Variants in SIGLEC5 observed in about 807,000 individuals in gnomAD.
The protein encoded by SIGLEC5 is sialic acid binding Ig like lectin 5.
A neutral mutation model predicts 45.9 loss-of-function variants in SIGLEC5; 34 were observed. That is an observed-to-expected ratio of 0.74 (90% confidence interval 0.56 to 0.99). SIGLEC5 has a LOEUF of 0.99. SIGLEC5 is among the 50% of genes least tolerant of loss of function. The pLI is 0.00. For missense variants in SIGLEC5, 508 were observed against 629.6 expected, an observed-to-expected ratio of 0.81 and a Z score of 2.07; for synonymous variants, 203 against 258.6, an observed-to-expected ratio of 0.79 and a Z score of 2.06.
intron 8 of SIGLEC5, among the ~76,000 whole-genome samples, chr19:51,620,296 A>G (rs2053924): frequency 0.14 from 20,678 of 152,048 alleles, 1,543 homozygotes; most frequent in Middle Eastern, 0.22. Flanking sequence ...TTATCTTGAT[A>G]CCCAAACAGA....
At position 51,627,490 on chromosome 19, in the gene SIGLEC5, G is replaced by C. The variant is rs1983532280; in HGVS notation, c.1254C>G (p.Ser418=). The part of the protein sequence containing the change: ...VSCKAWNIYG[S]QSGSVLLLQG... ...GCAGCAGCAGGACAGAGCCGCTCTG[G>C]GACCCATAGATGTTCCAGGCCTTGC... The change falls in exon 6 of 9, where the codon TCC becomes TCG. Residue 418 remains serine (S), a synonymous_variant. Transcript: ENST00000683636. 3.1e-6 allele frequency: 5 copies of C among 1,613,808 alleles called. No homozygotes were observed. The Admixed American group carries it at 6.7e-5, about 22-fold the overall frequency.
At chr19:51,626,576 G>A (rs1983489910) in intron 7 of SIGLEC5, among the ~76,000 whole-genome samples, 1 of 152,118 alleles carries the variant, frequency 6.6e-6, no homozygotes, top group Admixed American at 6.5e-5. Context: ...CACATATCGC[G>A]TGATTCCATT....
chr19:51,627,418 GC>G, intron 6 of SIGLEC5, 43 bp downstream of exon 6: 1 of 1,576,744 alleles, frequency 6.3e-7, no homozygotes. Flanking sequence ...TGGGATCCAT[GC>G]CCCTCCCCTC....
At position 51,613,800 on chromosome 19, in the gene SIGLEC5, C is replaced by T. The variant is rs187300562; in HGVS notation, c.1465-1378G>A. Among the ~76,000 whole-genome samples the T allele has an allele frequency of 4.7e-4, 71 of 152,156 alleles. No individual in the cohort carries two copies. In the Middle Eastern group the frequency reaches 0.02, roughly 44 times the overall value. ...TCTAATACATGGCGAGGCCAGGATT[C>T]GAACTCAGCCCTGTCTCCCCTGTTT... is the stretch of plus-strand genomic sequence containing the variant. On this transcript the variant is annotated intron_variant, in intron 8 of 8. Transcript: ENST00000683636.
Position 51,627,518 on chromosome 19 carries a change from C to G in SIGLEC5, c.1226G>C (p.Ser409Thr), listed in dbSNP as rs753514563. ...HGGLSSDLKV[S>T]CKAWNIYGSQ... ...CCCATAGATGTTCCAGGCCTTGCAG[C>G]TGACTTTGAGGTCGGAGCTGAGCCC... Residue 409 changes from serine (S) to threonine (T), a missense_variant, in exon 6 of 9, where the codon AGC (serine) becomes ACC (threonine). Transcript: ENST00000683636. 6.2e-7 allele frequency: 1 copy of G among 1,614,092 alleles called. No homozygotes were observed. The highest frequency in any genetic ancestry group is 8.5e-7 in the Non-Finnish European group (1 of 1,180,030).
Position 51,626,025 on chromosome 19 carries a change from C to T in SIGLEC5, c.1464+7G>A. The stretch of plus-strand genomic sequence containing the variant: ...CATGCACATGAGAAGATCCCCAAAC[C>T]ACTCACCGAGGTGATGGTACCCATA... On this transcript the variant is annotated splice_region_variant and intron_variant, in intron 8 of 8. Coordinates refer to ENST00000683636, the MANE Select transcript of SIGLEC5 (RefSeq NM_003830.4). 1 of 1,612,262 alleles carries T rather than the reference C, an allele frequency of 6.2e-7. No homozygotes were observed. Among genetic ancestry groups the T allele is most frequent in the Non-Finnish European group, 8.5e-7 (1 of 1,178,564 alleles).
Position 51,629,466 on chromosome 19 carries a change from G to A in SIGLEC5, c.592C>T (p.Leu198Phe), listed in dbSNP as rs1311373014. The change falls in exon 3 of 9, where the codon CTC (leucine) becomes TTC (phenylalanine). Residue 198 changes from leucine (L) to phenylalanine (F), a missense_variant. Leu to Phe is a conservative substitution (Grantham distance 22, BLOSUM62 0). Coordinates refer to ENST00000683636, the MANE Select transcript of SIGLEC5 (RefSeq NM_003830.4). ...LDPETTRSSE[L>F]TLTPRPEDHG... ...TCCTCGGGCCTGGGGGTGAGGGTGA[G>A]CTCCGAGGAGCGGGTGGTCTCGGGG... is the stretch of plus-strand genomic sequence containing the variant. 10 of 1,613,040 alleles carry A rather than the reference G, an allele frequency of 6.2e-6. No individual in the cohort carries two copies. The African/African-American group carries it at 1.1e-4, about 17-fold the overall frequency.
intron 8 of SIGLEC5, among the ~76,000 whole-genome samples, chr19:51,621,898 G>T (rs1219392029): frequency 2.6e-5 from 4 of 151,934 alleles, no homozygotes; most frequent in Non-Finnish European, 5.9e-5. Flanking sequence ...TGGTATTTAG[G>T]AAGAAAAATA....
At chr19:51,624,959 G>A (rs554045981) in intron 8 of SIGLEC5, among the ~76,000 whole-genome samples, 16 of 60,734 alleles carry the variant, frequency 2.6e-4, no homozygotes, top group Non-Finnish European at 3.4e-4. Flanking sequence ...GCAGGACTCC[G>A]TCTCCAAAAA....
intron 8 of SIGLEC5, among the ~76,000 whole-genome samples, chr19:51,614,074 C>T (rs1290162357): frequency 2.0e-5 from 3 of 152,202 alleles, no homozygotes. Flanking sequence ...TCCTCTCCCA[C>T]CTTCACCCAT....
intron 8 of SIGLEC5, 135 bp downstream of exon 8, chr19:51,625,897 G>C: frequency 7.3e-6 from 5 of 683,602 alleles, no homozygotes; most frequent in Non-Finnish European, 5.3e-6. Context: ...CCTGGCTCTG[G>C]GATATGAAGG....
At chr19:51,627,067 C>A in intron 7 of SIGLEC5, 82 bp downstream of exon 7, 1 of 1,072,848 alleles carries the variant, frequency 9.3e-7, no homozygotes, top group South Asian at 1.4e-5. Flanking sequence ...CCACCTCTGG[C>A]CTTAGCTCTG....
chr19:51,613,267 C>T (rs1448833751), intron 8 of SIGLEC5, among the ~76,000 whole-genome samples: 1 of 152,198 alleles, frequency 6.6e-6, no homozygotes, highest in Non-Finnish European at 1.5e-5. Flanking sequence ...GAAAGTCACA[C>T]TGTGAACATG....
intron 8 of SIGLEC5, among the ~76,000 whole-genome samples, chr19:51,616,147 T>C (rs1041270669): frequency 6.6e-6 from 1 of 152,178 alleles, no homozygotes; most frequent in Non-Finnish European, 1.5e-5. Flanking sequence ...CAAGAAACAC[T>C]GCCAGAGTAG....
chr19:51,627,712 C>T lies in SIGLEC5; in HGVS notation c.1032G>A (p.Trp344Ter). 1 of 1,598,676 alleles carries T rather than the reference C, an allele frequency of 6.3e-7. No homozygotes were observed. Among genetic ancestry groups the T allele is most frequent in the Middle Eastern group, 1.7e-4 (1 of 5,896 alleles). ...ATCTGCAGTGCAGACCCTCAGCCTC[C>T]CAGGAGCAGGAGGGGCCCAGCAACT... ...LPQLLGPSCS[W>*]EAEGLHCRCS... The change falls in exon 6 of 9, where the codon TGG (tryptophan) becomes TGA (stop). Residue 344 changes from tryptophan to a stop codon, truncating the protein, a stop_gained. Transcript: ENST00000683636. LOFTEE classifies it high-confidence loss of function.
Position 51,612,332 on chromosome 19 carries a change from G to T in SIGLEC5, c.1555C>A (p.His519Asn), listed in dbSNP as rs867946387. 6.2e-7 allele frequency: 1 copy of T among 1,613,442 alleles called. No homozygotes were observed. Among genetic ancestry groups the T allele is most frequent in the Non-Finnish European group, 8.5e-7 (1 of 1,179,796 alleles). ...APPLEEQKEL[H>N]YASLSFSEMK... ...TCAGAAAAACTAAGGGAGGCATAAT[G>T]GAGCTCCTTTTGTTCTTCCAAGGGA... is the stretch of plus-strand genomic sequence containing the variant. The change falls in exon 9 of 9, where the codon CAT becomes AAT. Residue 519 changes from histidine (H) to asparagine (N), a missense_variant. His to Asn is a moderately conservative substitution (Grantham distance 68). This residue lies in a region of SIGLEC5 where 431 missense variants were observed against 428.8 expected (regional missense o/e 1.01). Transcript: ENST00000683636.
intron 4 of SIGLEC5, among the ~76,000 whole-genome samples, chr19:51,628,474 G>A (rs1457989112): frequency 1.3e-5 from 2 of 152,190 alleles, no homozygotes; most frequent in African/African-American, 4.8e-5. Flanking sequence ...GCATGGAGTG[G>A]TCCTTAGTGA....
intron 7 of SIGLEC5, among the ~76,000 whole-genome samples, chr19:51,626,916 CTTTTA>C (rs113235356): frequency 4.2e-5 from 6 of 143,618 alleles, no homozygotes; most frequent in African/African-American, 1.3e-4. Flanking sequence ...TTTTGTTTTT[CTTTTA>C]AGACAGGGTC....
chr19:51,627,582 C>T lies in SIGLEC5; in HGVS notation c.1162G>A (p.Ala388Thr), dbSNP rs760573678. 1.9e-6 allele frequency: 3 copies of T among 1,614,032 alleles called. No individual in the cohort carries two copies. In the South Asian group the frequency reaches 3.3e-5, roughly 18 times the overall value. ...AGGGAGCTGTTGGCCCAGGGCCCAG[C>T]TGAGCTGGAGTTGACCTTGAATGAG... ...QGSFKVNSSS[A>T]GPWANSSLIL... The change falls in exon 6 of 9, where the codon GCT becomes ACT. Residue 388 changes from alanine (A) to threonine (T), a missense_variant. Ala to Thr is a moderately conservative substitution (Grantham distance 58). Transcript: ENST00000683636.
Sources: allele counts gnomAD v4.1 joint callset (sites outside exome capture counted in the v4.1 genomes callset), GRCh38; gene constraint gnomAD v4.1.1; regional missense constraint gnomAD v4.1.1; transcripts MANE v1.5; gene names NCBI Gene and HGNC (gene_info 2026-07-23, HGNC 2026-07-21).